Variants in LAMA5 observed in about 807,000 individuals in gnomAD.
The protein encoded by LAMA5 is laminin subunit alpha-5.
LAMA5 carries 260 observed loss-of-function variants against 433.4 expected under a neutral mutation model. The ratio of observed to expected loss-of-function variants is 0.60; its 90% CI spans 0.54 to 0.66. The LOEUF (loss-of-function observed/expected upper bound fraction) is 0.66. LAMA5 is among the 30% of genes least tolerant of loss of function. LAMA5 has a pLI of 0.00. For missense variants in LAMA5, 5,378 were observed against 5,258.5 expected, an observed-to-expected ratio of 1.02 and a Z score of -0.70; for synonymous variants, 2,620 against 2,226.6, an observed-to-expected ratio of 1.18 and a Z score of -4.97.
Position 62,320,592 on chromosome 20 carries a change from G to A in LAMA5, c.6726C>T (p.Ser2242=), listed in dbSNP as rs1568915232. 3.1e-6 allele frequency: 5 copies of A among 1,605,316 alleles called. No homozygotes were observed. The highest frequency in any genetic ancestry group is 2.7e-5 in the African/African-American group (2 of 74,840). ...CTAGCCGCCGTGCGTCCTGCCCGAG[G>A]CTTGTGCTCTGCTGCTCCAGCACCT... The part of the protein sequence containing the change: ...QLEVLEQQST[S]LGQDARRLGG... The change falls in exon 50 of 80, where the codon AGC becomes AGT. Residue 2242 remains serine (S), a synonymous_variant. Coordinates refer to ENST00000252999, the MANE Select transcript of LAMA5 (RefSeq NM_005560.6).
intron 57 of LAMA5, 81 bp from the exon 58 acceptor site, chr20:62,316,139 A>AGAAGGGT: frequency 1.1e-6 from 1 of 906,440 alleles, no homozygotes; most frequent in Non-Finnish European, 1.7e-6. Context: ...TTCTGACCCC[A>AGAAGGGT]GGAGGACCAA....
chr20:62,325,261 G>A (rs1979075753), intron 41 of LAMA5, 55 bp downstream of exon 41: 1 of 1,158,410 alleles, frequency 8.6e-7, no homozygotes, highest in African/African-American at 1.5e-5. Flanking sequence ...GGATGCTGGA[G>A]GGAAGGGTGT....
At chr20:62,309,652 G>A in intron 79 of LAMA5, 64 bp downstream of exon 79, 1 of 1,379,546 alleles carries the variant, frequency 7.2e-7, no homozygotes, top group Non-Finnish European at 9.6e-7. Flanking sequence ...GGGGAGGGTG[G>A]TAGGTTACGC....
intron 11 of LAMA5, among the ~76,000 whole-genome samples, chr20:62,343,906 A>T (rs1205241833): frequency 6.6e-6 from 1 of 151,792 alleles, no homozygotes; most frequent in Non-Finnish European, 1.5e-5. Flanking sequence ...GCACTTTAGG[A>T]TGCCAAGGCA....
chr20:62,317,437 C>T lies in LAMA5; in HGVS notation c.7419G>A (p.Gln2473=). Residue 2473 remains glutamine, a synonymous_variant, in exon 55 of 80, where the codon CAG becomes CAA. Coordinates refer to ENST00000252999, the MANE Select transcript of LAMA5 (RefSeq NM_005560.6). ...GCTTGCTGCCCGCCGGGGAGAAGGTCTGCATCCTCTGCAGCAGTGGGGTCC... is the reference window on the plus strand; with the variant it reads ...GCTTGCTGCCCGCCGGGGAGAAGGTTTGCATCCTCTGCAGCAGTGGGGTCC... ...GARTPLLQRM[Q]TFSPAGSKLR... 6.3e-7 allele frequency: 1 copy of T among 1,599,500 alleles called. No homozygotes were observed. The highest frequency in any genetic ancestry group is 8.5e-7 in the Non-Finnish European group (1 of 1,172,212).
At chr20:62,336,256 C>T (rs531441831) in intron 18 of LAMA5, 84 bp downstream of exon 18, 113 of 1,015,174 alleles carry the variant, frequency 1.1e-4, no homozygotes, top group African/African-American at 1.0e-3. Flanking sequence ...AGGAACCCTG[C>T]ACCCCAACAC....
chr20:62,329,571 A>AGCAGGGTGCAGGGT (rs746173929), intron 32 of LAMA5, among the ~76,000 whole-genome samples: 2 of 152,134 alleles, frequency 1.3e-5, no homozygotes, highest in Non-Finnish European at 2.9e-5. Flanking sequence ...CACCCTGACC[A>AGCAGGGTGCAGGGT]GCAGGGTGCA....
chr20:62,346,557 C>G lies in LAMA5; in HGVS notation c.1231G>C (p.Gly411Arg), dbSNP rs144289855. ...TGVNCERCLPGFYRSPNHPLD... is the reference protein window; with the variant it reads ...TGVNCERCLPRFYRSPNHPLD... ...GGGTGGTTGGGAGAGCGGTAGAAGCCGGGCAGGCAGCGCTCACAGTTGACG... is the reference window on the plus strand; with the variant it reads ...GGGTGGTTGGGAGAGCGGTAGAAGCGGGGCAGGCAGCGCTCACAGTTGACG... Residue 411 changes from glycine (G) to arginine (R), a missense_variant, in exon 9 of 80, where the codon GGC (glycine) becomes CGC (arginine). Physicochemically the swap from Gly to Arg is moderately radical, Grantham distance 125. Transcript: ENST00000252999. 2.6e-5 allele frequency: 41 copies of G among 1,565,666 alleles called. 1 individual carries two copies. In the South Asian group the frequency reaches 4.5e-4, roughly 17 times the overall value.
At position 62,311,945 on chromosome 20, in the gene LAMA5, C is replaced by A. The variant is rs1452046840; in HGVS notation, c.9610G>T (p.Val3204Phe). The A allele has an allele frequency of 6.2e-7, 1 of 1,612,272 alleles. No homozygotes were observed. The stretch of plus-strand genomic sequence containing the variant: ...CCCGTGGCATTGCTGTAGAAGGCGA[C>A]GTAATGGGGGGCACCATCGGCGAAG... ...AGFADGAPHY[V>F]AFYSNATGVW... Residue 3204 changes from valine (V) to phenylalanine (F), a missense_variant, in exon 70 of 80, where the codon GTC becomes TTC. By Grantham distance (50) the Val-to-Phe change is conservative. Coordinates refer to ENST00000252999, the MANE Select transcript of LAMA5 (RefSeq NM_005560.6).
chr20:62,334,329 G>A lies in LAMA5; in HGVS notation c.2596C>T (p.His866Tyr), dbSNP rs1418280749. Residue 866 changes from histidine (H) to tyrosine (Y), a missense_variant, in exon 22 of 80, where the codon CAC (histidine) becomes TAC (tyrosine). Coordinates refer to ENST00000252999, the MANE Select transcript of LAMA5 (RefSeq NM_005560.6). ...AGGTGGTGCAGGTCCGGGAGGTAGT[G>A]GTCCCTCGCAGGCCTGGCCACAGCA... Reference protein sequence around the residue: ...GPTCSEPARDHYLPDLHHLRL... With the variant: ...GPTCSEPARDYYLPDLHHLRL... 1 of 1,604,738 alleles carries A rather than the reference G, an allele frequency of 6.2e-7. No individual in the cohort carries two copies. Among genetic ancestry groups the A allele is most frequent in the East Asian group, 2.3e-5 (1 of 44,442 alleles).
In LAMA5 at chr20:62,312,670, G is replaced by A. The variant is rs780777423; in HGVS notation, c.9189C>T (p.Tyr3063=). 2.5e-6 allele frequency: 4 copies of A among 1,607,584 alleles called. No individual in the cohort carries two copies. In the African/African-American group the frequency reaches 4.0e-5, roughly 16 times the overall value. Residue 3063 remains tyrosine (Y), a synonymous_variant, in exon 67 of 80, where the codon TAC becomes TAT. Transcript: ENST00000252999. ...GGTCGGGCGGCACGCCCCCCAGGTA[G>A]TAGGCGTCGGCCAGCTCCAGATCAT... ...QDNDLELADA[Y]YLGGVPPDQL...
At position 62,317,416 on chromosome 20, in the gene LAMA5, G is replaced by T; in HGVS notation, c.7440C>A (p.Ser2480Arg). The T allele has an allele frequency of 1.9e-6, 3 of 1,607,572 alleles. No individual in the cohort carries two copies. Among genetic ancestry groups the T allele is most frequent in the Middle Eastern group, 3.3e-4 (2 of 6,020 alleles). Residue 2480 changes from serine to arginine, a missense_variant, in exon 55 of 80, where the codon AGC becomes AGA. Coordinates refer to ENST00000252999, the MANE Select transcript of LAMA5 (RefSeq NM_005560.6). ...QRMQTFSPAG[S>R]KLRLVEAAEA... ...CGGCGGCCTCCACTAGACGCAGCTT[G>T]CTGCCCGCCGGGGAGAAGGTCTGCA...
intron 41 of LAMA5, 182 bp downstream of exon 41, chr20:62,325,134 A>T: frequency 2.3e-6 from 1 of 444,438 alleles, no homozygotes; most frequent in Non-Finnish European, 3.8e-6. Context: ...GCAGGCAGAC[A>T]GGCAGCAGGG....
chr20:62,324,261 C>A lies in LAMA5; in HGVS notation c.5644-57G>T. 3 of 1,564,396 alleles carry A rather than the reference C, an allele frequency of 1.9e-6. No homozygotes were observed. The highest frequency in any genetic ancestry group is 2.6e-6 in the Non-Finnish European group (3 of 1,163,242). Reference sequence around the variant, plus strand: ...GGACACCCACATCCTACTGCCGAGTCTGTGCAGCTCCCACCACCCCTGCCT... The same window carrying A: ...GGACACCCACATCCTACTGCCGAGTATGTGCAGCTCCCACCACCCCTGCCT... On this transcript the variant is annotated intron_variant, in intron 42 of 79. Coordinates refer to ENST00000252999, the MANE Select transcript of LAMA5 (RefSeq NM_005560.6). The surrounding 1 kb of genome is among the most constrained non-coding windows in gnomAD (Gnocchi z 4.4).
intron 6 of LAMA5, among the ~76,000 whole-genome samples, chr20:62,351,409 G>C (rs975756096): frequency 3.9e-5 from 6 of 152,168 alleles, no homozygotes; most frequent in African/African-American, 1.4e-4. Context: ...TGGTGGGAAG[G>C]CCAGCTGGCC....
rs140781444 is a variant in LAMA5, at chr20:62,320,750, C to T, written c.6637G>A (p.Ala2213Thr). 2,484 of 1,612,606 alleles carry T rather than the reference C, an allele frequency of 1.5e-3. 25 individuals carry two copies. In the African/African-American group the frequency reaches 0.025, roughly 17 times the overall value. Residue 2213 changes from alanine (A) to threonine (T), a missense_variant, in exon 49 of 80, where the codon GCT becomes ACT. Coordinates refer to ENST00000252999, the MANE Select transcript of LAMA5 (RefSeq NM_005560.6). ...AGGACGCTCAGTACCTGCAGGTCAG[C>T]GATGGAGGCGTTCAGCCTGTGCAGA... The part of the protein sequence containing the change: ...ARLHRLNASI[A>T]DLQSQLRSPL...
At chr20:62,353,363 C>T (rs1266571879) in intron 2 of LAMA5, 112 bp from the exon 3 acceptor site, 1 of 737,080 alleles carries the variant, frequency 1.4e-6, no homozygotes, top group East Asian at 2.9e-5. Flanking sequence ...GATGTGGCAC[C>T]CTCGCCGCAC....
intron 6 of LAMA5, chr20:62,351,298 A>T: frequency 3.7e-6 from 1 of 268,770 alleles, no homozygotes. Context: ...CTGCCTCGGC[A>T]GGTAGTGGGC....
rs373360000 is a variant in LAMA5, at chr20:62,315,942, G to A, written c.7867+6C>T. ...GCTGCGAGAGCCGGGCCCAGGCTCC[G>A]CATACCTGTGTCCATGGCAAGCATG... On this transcript the variant is annotated splice_donor_region_variant and intron_variant, in intron 58 of 79. Transcript: ENST00000252999. 1.3e-4 allele frequency: 211 copies of A among 1,585,112 alleles called. 3 individuals are homozygous for A. The South Asian group carries it at 1.8e-3, about 14-fold the overall frequency.
Sources: gnomAD v4.1 joint callset for allele counts (sites outside exome capture counted in the v4.1 genomes callset) on GRCh38, gnomAD v4.1.1 for gene constraint, Gnocchi (gnomAD v3.1) non-coding constraint, MANE v1.5 for transcripts, NCBI Gene and HGNC (gene_info 2026-07-23, HGNC 2026-07-21) for gene names.